BSN: variants seen among roughly 807,000 people sequenced by gnomAD.
BSN encodes the protein protein bassoon.
BSN carries 57 observed loss-of-function variants against 264.8 expected under a neutral mutation model. That is an observed-to-expected ratio of 0.22 (90% CI 0.17 to 0.27). The LOEUF (loss-of-function observed/expected upper bound fraction) is 0.27. Ranked by LOEUF, BSN falls within the 10% of genes least tolerant of loss-of-function variation. The probability of loss-of-function intolerance (pLI) is 1.00; values close to 1 mark genes in which losing one functional copy is unlikely to be tolerated. For synonymous variants in BSN, 2,059 were observed against 2,137.3 expected (o/e 0.96, Z 1.01); for missense variants, 4,615 against 5,232.5 (o/e 0.88, Z 3.64).
chr3:49,665,714 C>T (rs2052708377), intron 11 of BSN, among the ~76,000 whole-genome samples: 1 of 152,256 alleles, frequency 6.6e-6, no homozygotes, highest in African/African-American at 2.4e-5. Flanking sequence ...TCCCCAAACC[C>T]CACAGAGTCA....
chr3:49,660,976 C>G lies in BSN; in HGVS notation c.9131C>G (p.Thr3044Ser), dbSNP rs1276753063. ...DFPATAAAPATPSGPTAFQQP... is the reference protein window; with the variant it reads ...DFPATAAAPASPSGPTAFQQP... The stretch of plus-strand genomic sequence containing the variant: ...CCTGCCACTGCCGCTGCTCCTGCCA[C>G]CCCCTCTGGTCCCACTGCCTTCCAG... The change falls in exon 6 of 12, where the codon ACC (threonine) becomes AGC (serine). Residue 3044 changes from threonine to serine, a missense_variant. Around this residue, in one of 3 missense-constraint regions of BSN, gnomAD observed 3,415 missense variants for 3,866.4 expected, o/e 0.88. Coordinates refer to ENST00000296452, the MANE Select transcript of BSN (RefSeq NM_003458.4). This position sits in a 1 kb window ranked among gnomAD's most constrained non-coding sequence, Gnocchi z 7.1. The G allele has an allele frequency of 2.5e-6, 4 of 1,611,604 alleles. No homozygotes were observed. Among genetic ancestry groups the G allele is most frequent in the Non-Finnish European group, 3.4e-6 (4 of 1,179,988 alleles).
chr3:49,655,784 G>A lies in BSN; in HGVS notation c.6228G>A (p.Arg2076=), dbSNP rs1254309094. 6.2e-7 allele frequency: 1 copy of A among 1,613,460 alleles called. No individual in the cohort carries two copies. The highest frequency in any genetic ancestry group is 1.7e-5 in the Admixed American group (1 of 60,030). Residue 2076 remains arginine, a synonymous_variant, in exon 5 of 12, where the codon CGG becomes CGA. Coordinates refer to ENST00000296452, the MANE Select transcript of BSN (RefSeq NM_003458.4). ...NIYSDHRYGP[R]GDAVGFQEAS... ...ACTCAGACCACAGGTACGGCCCACG[G>A]GGAGATGCAGTTGGCTTCCAGGAGG... is the stretch of plus-strand genomic sequence containing the variant.
At chr3:49,672,022 G>C (rs991523688), downstream of BSN, among the ~76,000 whole-genome samples, 3 of 123,192 alleles carry the variant, frequency 2.4e-5, no homozygotes, top group African/African-American at 8.8e-5. Context: ...AGAGTTGCTA[G>C]ACCTTTTTTT....
In BSN at chr3:49,625,593, C is replaced by G. The variant is rs773329373; in HGVS notation, c.633+210C>G. 6.6e-6 allele frequency among the ~76,000 whole-genome samples: 1 copy of G among 152,226 alleles called. No homozygotes were observed. Among genetic ancestry groups the G allele is most frequent in the African/African-American group, 2.4e-5 (1 of 41,452 alleles). Reference sequence around the variant, plus strand: ...CAGATCTCCCAAGGGATTTCTGCATCCCCTGAAAGCTTGGGTAGAGTCTGA... The same window carrying G: ...CAGATCTCCCAAGGGATTTCTGCATGCCCTGAAAGCTTGGGTAGAGTCTGA... On this transcript the variant is annotated intron_variant, in intron 2 of 11. Transcript: ENST00000296452. The surrounding 1 kb of genome is among the most constrained non-coding windows in gnomAD (Gnocchi z 4.4).
In BSN at chr3:49,657,268, G is replaced by C. The variant is rs2052613707; in HGVS notation, c.7712G>C (p.Gly2571Ala). The change falls in exon 5 of 12, where the codon GGG (glycine) becomes GCG (alanine). Residue 2571 changes from glycine (G) to alanine (A), a missense_variant. Around this residue, in one of 3 missense-constraint regions of BSN, gnomAD observed 3,415 missense variants for 3,866.4 expected, o/e 0.88. Transcript: ENST00000296452. The part of the protein sequence containing the change: ...RLRDACELES[G>A]TEPCVVRRIA... The stretch of plus-strand genomic sequence containing the variant: ...CGGGATGCCTGTGAGCTAGAGTCTG[G>C]GACTGAGCCCTGTGTGGTCAGGAGG... 1 of 1,613,390 alleles carries C rather than the reference G, an allele frequency of 6.2e-7. No homozygotes were observed. Among genetic ancestry groups the C allele is most frequent in the African/African-American group, 1.3e-5 (1 of 74,958 alleles).
At chr3:49,631,345 C>A (rs550608453) in intron 2 of BSN, among the ~76,000 whole-genome samples, 1 of 151,920 alleles carries the variant, frequency 6.6e-6, no homozygotes, top group South Asian at 2.1e-4. Context: ...CACTTGAGCC[C>A]AGGAGTTCAA....
At chr3:49,555,030 G>GC (rs1460026772) in intron 1 of BSN, among the ~76,000 whole-genome samples, 1 of 152,214 alleles carries the variant, frequency 6.6e-6, no homozygotes, top group Admixed American at 6.5e-5. Flanking sequence ...AGGATGACGA[G>GC]CGCAGGGTCA....
intron 5 of BSN, among the ~76,000 whole-genome samples, chr3:49,659,319 C>T (rs567172659): frequency 6.6e-6 from 1 of 152,082 alleles, no homozygotes; most frequent in South Asian, 2.1e-4. Flanking sequence ...ATGGGCTGGC[C>T]ATGTGAGACC....
chr3:49,627,587 G>A (rs1373826164), intron 2 of BSN, among the ~76,000 whole-genome samples: 1 of 152,158 alleles, frequency 6.6e-6, no homozygotes, highest in Non-Finnish European at 1.5e-5. Context: ...TGTTAGATCT[G>A]TCCTAGTCAG....
chr3:49,571,725 C>T (rs893240909), intron 1 of BSN, among the ~76,000 whole-genome samples: 1 of 151,996 alleles, frequency 6.6e-6, no homozygotes, highest in Non-Finnish European at 1.5e-5. Context: ...GTAAACAAGC[C>T]GACATGTTCT....
chr3:49,634,246 G>A (rs939078869), intron 2 of BSN, among the ~76,000 whole-genome samples: 11 of 151,904 alleles, frequency 7.2e-5, no homozygotes, highest in African/African-American at 2.7e-4. Flanking sequence ...GGGGAATGGG[G>A]AGTTTCACGG....
Position 49,656,498 on chromosome 3 carries a change from C to T in BSN, c.6942C>T (p.Thr2314=), listed in dbSNP as rs2052602784. ...CACGGGAAGAGCCTCTTCCCACAACCACCCCTGCTGCCATCAAGGAGGCTG... is the reference window on the plus strand; with the variant it reads ...CACGGGAAGAGCCTCTTCCCACAACTACCCCTGCTGCCATCAAGGAGGCTG... ...GAAREEPLPT[T]TPAAIKEAAG... The change falls in exon 5 of 12, where the codon ACC becomes ACT. Residue 2314 remains threonine (T), a synonymous_variant. Coordinates refer to ENST00000296452, the MANE Select transcript of BSN (RefSeq NM_003458.4). 2 of 1,592,798 alleles carry T rather than the reference C, an allele frequency of 1.3e-6. No homozygotes were observed. Among genetic ancestry groups the T allele is most frequent in the African/African-American group, 1.3e-5 (1 of 74,292 alleles).
chr3:49,602,434 C>CCT (rs910730013), intron 1 of BSN, among the ~76,000 whole-genome samples: 8 of 151,828 alleles, frequency 5.3e-5, no homozygotes, highest in Non-Finnish European at 1.0e-4. Flanking sequence ...TGTGTCACTT[C>CCT]CTCTCTTTAA....
Position 49,643,163 on chromosome 3 carries a change from G to A in BSN, c.1518+11G>A. The A allele has an allele frequency of 6.2e-7, 1 of 1,600,144 alleles. No individual in the cohort carries two copies. The highest frequency in any genetic ancestry group is 8.5e-7 in the Non-Finnish European group (1 of 1,171,184). The stretch of plus-strand genomic sequence containing the variant: ...CCCCACCTGGTGGAGGTAAGAGCTG[G>A]ACCAAGCATGCTCCCTTGAACCTTG... On this transcript the variant is annotated intron_variant, in intron 3 of 11. Transcript: ENST00000296452.
intron 1 of BSN, among the ~76,000 whole-genome samples, chr3:49,599,679 G>A (rs2052056444): frequency 6.6e-6 from 1 of 152,110 alleles, no homozygotes; most frequent in African/African-American, 2.4e-5. Flanking sequence ...TTAAATGATT[G>A]TTCATTATAA....
chr3:49,605,769 AAT>A (rs1431197945), intron 1 of BSN, among the ~76,000 whole-genome samples: 4 of 79,530 alleles, frequency 5.0e-5, no homozygotes, highest in Non-Finnish European at 6.4e-5. Flanking sequence ...TATATATAAA[AAT>A]ATATATAATA....
rs764776662 is a variant in BSN at position 49,655,576 on chromosome 3, G to T, written c.6020G>T (p.Gly2007Val). The T allele has an allele frequency of 1.2e-6, 2 of 1,613,592 alleles. No individual in the cohort carries two copies. The highest frequency in any genetic ancestry group is 1.7e-6 in the Non-Finnish European group (2 of 1,179,990). The change falls in exon 5 of 12, where the codon GGT becomes GTT. Residue 2007 changes from glycine (G) to valine (V), a missense_variant. By Grantham distance (109) the Gly-to-Val change is moderately radical. Coordinates refer to ENST00000296452, the MANE Select transcript of BSN (RefSeq NM_003458.4). The part of the protein sequence containing the change: ...HAQRIGQLFQ[G>V]PGRDSAMDLS... ...CAGAGGATCGGGCAGCTCTTCCAGG[G>T]TCCTGGACGAGACTCGGCTATGGAC... is the stretch of plus-strand genomic sequence containing the variant.
intron 1 of BSN, among the ~76,000 whole-genome samples, chr3:49,572,455 T>C (rs1202312923): frequency 6.6e-6 from 1 of 152,168 alleles, no homozygotes; most frequent in Non-Finnish European, 1.5e-5. Flanking sequence ...ATCAGAGTGG[T>C]ATCCTTTGGA....
At chr3:49,565,117 CTT>C (rs1299417628) in intron 1 of BSN, among the ~76,000 whole-genome samples, 2 of 130,452 alleles carry the variant, frequency 1.5e-5, no homozygotes, top group Non-Finnish European at 3.4e-5. Context: ...TATTCCTCCA[CTT>C]TTTTTTTTTG....
Sources: gnomAD v4.1 joint callset for allele counts (sites outside exome capture counted in the v4.1 genomes callset) on GRCh38, gnomAD v4.1.1 for gene constraint, gnomAD v4.1.1 regional missense constraint, Gnocchi (gnomAD v3.1) non-coding constraint, MANE v1.5 for transcripts, NCBI Gene and HGNC (gene_info 2026-07-23, HGNC 2026-07-21) for gene names.